RCOR1: variants seen among roughly 807,000 people sequenced by gnomAD.
RCOR1 encodes the protein REST corepressor.
In RCOR1, 12 loss-of-function variants were observed where a neutral mutation model predicts 64.0. The ratio of observed to expected loss-of-function variants is 0.19; its 90% CI spans 0.12 to 0.30. The LOEUF is 0.30. Ranked by LOEUF, RCOR1 falls within the 10% of genes least tolerant of loss-of-function variation. The pLI is 1.00. For synonymous variants in RCOR1, 279 were observed against 227.2 expected, an observed-to-expected ratio of 1.23 and a Z score of -2.05; for missense variants, 502 against 621.2, an observed-to-expected ratio of 0.81 and a Z score of 2.04.
At chr14:102,665,657 T>C (rs1332505702) in intron 2 of RCOR1, among the ~76,000 whole-genome samples, 1 of 152,064 alleles carries the variant, frequency 6.6e-6, no homozygotes, top group Non-Finnish European at 1.5e-5. Context: ...AATAACAAAG[T>C]GGTTAAAATG....
In RCOR1 at chr14:102,658,722, A is replaced by G. The variant is rs12435280; in HGVS notation, c.362-23173A>G. Reference sequence around the variant, plus strand: ...AGTTCCACATTTTATTTAGATTCCAATAGTTTTCCCATTAATGTCCATTTC... The same window carrying G: ...AGTTCCACATTTTATTTAGATTCCAGTAGTTTTCCCATTAATGTCCATTTC... On this transcript the variant is annotated intron_variant, in intron 2 of 11. Transcript: ENST00000262241. The G allele has an allele frequency of 1.4e-4, 105 of 753,356 alleles. No homozygotes were observed. The African/African-American group carries it at 1.9e-3, about 14-fold the overall frequency. The allele number at this position is 753,356 out of a possible 1,614,324, so 46.7% of individuals were successfully genotyped here.
intron 4 of RCOR1, among the ~76,000 whole-genome samples, chr14:102,704,430 A>AT (rs1895809052): frequency 6.6e-6 from 1 of 152,138 alleles, no homozygotes; most frequent in African/African-American, 2.4e-5. Flanking sequence ...CCCTTCTGAG[A>AT]TTTTTTATTT....
intron 3 of RCOR1, among the ~76,000 whole-genome samples, chr14:102,690,617 A>AT (rs1407043132): frequency 6.6e-6 from 1 of 152,046 alleles, no homozygotes; most frequent in East Asian, 1.9e-4. Context: ...AATAATAATA[A>AT]CACAAAAAAA....
In RCOR1 at chr14:102,593,087, T is replaced by C; in HGVS notation, c.201T>C (p.Asn67=). Residue 67 remains asparagine, a synonymous_variant, in exon 1 of 12, where the codon AAT becomes AAC. Coordinates refer to ENST00000262241, the MANE Select transcript of RCOR1 (RefSeq NM_015156.4). ...CCTCAGCCGCCGCCGCCCCCAATAATGGCCAGAATAAAAGTTTGGCGGCGG... is the reference window on the plus strand; with the variant it reads ...CCTCAGCCGCCGCCGCCCCCAATAACGGCCAGAATAAAAGTTTGGCGGCGG... ...AAASAAAAPN[N]GQNKSLAAAA... 4.8e-6 allele frequency: 7 copies of C among 1,466,532 alleles called. No homozygotes were observed. Among genetic ancestry groups the C allele is most frequent in the Non-Finnish European group, 6.3e-6 (7 of 1,108,748 alleles). 90.8% of individuals were successfully genotyped at this position (1,466,532 alleles called of 1,614,324 possible). A position where few individuals can be genotyped will look rare whatever the true frequency, so the allele number is the denominator to read the frequency against.
At position 102,592,937 on chromosome 14, in the gene RCOR1, G is replaced by A; in HGVS notation, c.51G>A (p.Gly17=). The A allele has an allele frequency of 2.4e-6, 3 of 1,225,520 alleles. No individual in the cohort carries two copies. The highest frequency in any genetic ancestry group is 2.3e-5 in the South Asian group (1 of 42,832). The allele number at this position is 1,225,520 out of a possible 1,614,324, so 75.9% of individuals were successfully genotyped here. A position where few individuals can be genotyped will look rare whatever the true frequency, so the allele number is the denominator to read the frequency against. Residue 17 remains glycine (G), a synonymous_variant, in exon 1 of 12, where the codon GGG becomes GGA. Coordinates refer to ENST00000262241, the MANE Select transcript of RCOR1 (RefSeq NM_015156.4). The part of the protein sequence containing the change: ...KGPEVSGKRR[G]RNNAAASASA... ...CCGAGGTCTCAGGGAAGCGGAGAGG[G>A]AGGAACAACGCGGCCGCCTCCGCCT...
At chr14:102,682,657 C>T (rs974637873) in intron 3 of RCOR1, among the ~76,000 whole-genome samples, 1 of 152,122 alleles carries the variant, frequency 6.6e-6, no homozygotes, top group African/African-American at 2.4e-5. Context: ...TCCTGTTGTC[C>T]TTCTAAGTGT....
chr14:102,618,453 A>G (rs1378386858), intron 2 of RCOR1, among the ~76,000 whole-genome samples: 4 of 150,894 alleles, frequency 2.7e-5, no homozygotes, highest in East Asian at 3.9e-4. Context: ...CTTCAGGGGG[A>G]AAAAAAAAGC....
At chr14:102,597,528 C>T (rs375855332) in intron 2 of RCOR1, among the ~76,000 whole-genome samples, 2 of 150,994 alleles carry the variant, frequency 1.3e-5, no homozygotes, top group Non-Finnish European at 2.9e-5. Flanking sequence ...GAGGTTTCAC[C>T]TTGTTGGCCA....
intron 3 of RCOR1, among the ~76,000 whole-genome samples, chr14:102,699,988 C>T (rs1365340047): frequency 6.6e-6 from 1 of 151,980 alleles, no homozygotes; most frequent in Admixed American, 6.6e-5. Context: ...TGAAAGCTAG[C>T]CACCTTATAT....
intron 3 of RCOR1, among the ~76,000 whole-genome samples, chr14:102,695,119 A>G (rs1341952269): frequency 6.6e-6 from 1 of 152,140 alleles, no homozygotes; most frequent in African/African-American, 2.4e-5. Flanking sequence ...TTTCATCTGC[A>G]TTTCTCCCTT....
chr14:102,625,517 G>C (rs1178951638), intron 2 of RCOR1, among the ~76,000 whole-genome samples: 1 of 150,812 alleles, frequency 6.6e-6, no homozygotes, highest in South Asian at 2.1e-4. Flanking sequence ...TTACAGGCAT[G>C]AGCAACCGCG....
intron 2 of RCOR1, among the ~76,000 whole-genome samples, chr14:102,661,225 G>A (rs1244163601): frequency 1.3e-5 from 2 of 152,138 alleles, no homozygotes; most frequent in African/African-American, 2.4e-5. Flanking sequence ...GTGGGTACCT[G>A]TAGTCCTAGC....
intron 2 of RCOR1, among the ~76,000 whole-genome samples, chr14:102,656,549 C>T (rs573271362): frequency 7.9e-4 from 120 of 152,166 alleles, no homozygotes; most frequent in Non-Finnish European, 1.3e-3. Context: ...ATCACTGCAA[C>T]CTCTGCCTCC....
intron 2 of RCOR1, among the ~76,000 whole-genome samples, chr14:102,625,977 C>G (rs768488069): frequency 5.9e-5 from 9 of 152,170 alleles, no homozygotes; most frequent in Non-Finnish European, 1.0e-4. Context: ...TCTGCCCTAC[C>G]TCAGCCACCC....
rs190746765 is a variant in RCOR1, at chr14:102,680,827, G to A, written c.362-1068G>A. ...CAAAAAAGAAGGTAAACTCAAAGGC[G>A]GTCACTCCATCTTTTTTGTCATATT... On this transcript the variant is annotated intron_variant, in intron 2 of 11. Transcript: ENST00000262241. 1.7e-3 allele frequency among the ~76,000 whole-genome samples: 266 copies of A among 152,114 alleles called. 1 individual carries two copies. Among genetic ancestry groups the A allele is most frequent in the South Asian group, 0.012 (58 of 4,818 alleles).
At chr14:102,608,277 A>G (rs1893556953) in intron 2 of RCOR1, among the ~76,000 whole-genome samples, 1 of 152,154 alleles carries the variant, frequency 6.6e-6, no homozygotes, top group Admixed American at 6.6e-5. Context: ...TGGATTACTT[A>G]TTCTGGAACT....
At chr14:102,706,535 C>T (rs1020526979) in intron 4 of RCOR1, among the ~76,000 whole-genome samples, 1 of 152,098 alleles carries the variant, frequency 6.6e-6, no homozygotes, top group African/African-American at 2.4e-5. Flanking sequence ...AGGATGGCAG[C>T]TCCTTAAAAA....
At chr14:102,679,672 G>C (rs761335367) in intron 2 of RCOR1, among the ~76,000 whole-genome samples, 1 of 151,994 alleles carries the variant, frequency 6.6e-6, no homozygotes, top group Non-Finnish European at 1.5e-5. Context: ...TATAGACGGG[G>C]TTTCATCATG....
rs958946428 is a variant in RCOR1, at chr14:102,728,950, G to A, written c.*2444G>A. The A allele has an allele frequency of 1.3e-5, 2 of 152,656 alleles. No homozygotes were observed. Among genetic ancestry groups the A allele is most frequent in the African/African-American group, 4.8e-5 (2 of 41,458 alleles). 9.5% of individuals were successfully genotyped at this position (152,656 alleles called of 1,614,324 possible). On this transcript the variant is annotated 3_prime_UTR_variant, in exon 12 of 12. Coordinates refer to ENST00000262241, the MANE Select transcript of RCOR1 (RefSeq NM_015156.4). ...TGTAAGAAATCACTTAGCTTTAAAA[G>A]CGCAGTGGTTTGATCTTATTTATAT...
Sources: gnomAD v4.1 joint callset for allele counts (sites outside exome capture counted in the v4.1 genomes callset) on GRCh38, gnomAD v4.1.1 for gene constraint, MANE v1.5 for transcripts, NCBI Gene and HGNC (gene_info 2026-07-23, HGNC 2026-07-21) for gene names.